The following EXOSC6 variants were observed in gnomAD, a reference collection of about 807,000 sequenced individuals.
EXOSC6 encodes the protein exosome complex component MTR3.
Under a neutral mutation model 16.7 loss-of-function variants are expected in EXOSC6, and 21 were observed. The ratio of observed to expected loss-of-function variants is 1.26; its 90% CI spans 0.89 to 1.82. EXOSC6 has a LOEUF of 1.82. EXOSC6 is among the 40% of genes most tolerant of loss of function. The pLI, the probability that EXOSC6 is intolerant of heterozygous loss-of-function variation, is 0.00. For missense variants in EXOSC6, 538 were observed against 415.7 expected (o/e 1.29, Z -2.56); for synonymous variants, 297 against 217.1 (o/e 1.37, Z -3.24).
At position 70,248,295 on chromosome 16, in the gene EXOSC6, GTCA is replaced by G. The variant is rs1438454463; in HGVS notation, c.*2784_*2786del. 3 of 152,106 alleles carry G rather than the reference GTCA, an allele frequency of 2.0e-5. No individual in the cohort carries two copies. The highest frequency in any genetic ancestry group is 4.4e-5 in the Non-Finnish European group (3 of 68,052). The allele number at this position is 152,106 out of a possible 1,614,324, so 9.4% of individuals were successfully genotyped here. ...AAACTAAAACATTATGGGTTGAACT[GTCA>G]TCATGTGTATGGTTTTCAGATGCTC... On this transcript the variant is annotated 3_prime_UTR_variant, in exon 1 of 1. Coordinates refer to ENST00000435634, the MANE Select transcript of EXOSC6 (RefSeq NM_058219.3).
rs1959806870 is a variant in EXOSC6, at chr16:70,251,166, G to C, written c.735C>G (p.Leu245=). 6.5e-7 allele frequency: 1 copy of C among 1,531,512 alleles called. No individual in the cohort carries two copies. The highest frequency in any genetic ancestry group is 8.7e-7 in the Non-Finnish European group (1 of 1,148,988). The allele number at this position is 1,531,512 out of a possible 1,614,324, so 94.9% of individuals were successfully genotyped here. The change falls in exon 1 of 1, where the codon CTC becomes CTG. Residue 245 remains leucine (L), a synonymous_variant. Transcript: ENST00000435634. The part of the protein sequence containing the change: ...ESWAEAVRLG[L]EGCQRLYPVL... ...CGGGGTAGAGGCGCTGGCAGCCCTCGAGGCCCAGGCGTACGGCCTCCGCCC... is the reference window on the plus strand; with the variant it reads ...CGGGGTAGAGGCGCTGGCAGCCCTCCAGGCCCAGGCGTACGGCCTCCGCCC...
rs1959760789 is a variant in EXOSC6, at chr16:70,249,556, T to C, written c.*1526A>G. ...AAAGGCTCAGAAAGACGTCGTGATA[T>C]TTAGTTCTTGTCTCCCTCTACAAAT... On this transcript the variant is annotated 3_prime_UTR_variant, in exon 1 of 1. Transcript: ENST00000435634. The C allele has an allele frequency of 6.6e-6, 1 of 152,220 alleles. No individual in the cohort carries two copies. The highest frequency in any genetic ancestry group is 2.4e-5 in the African/African-American group (1 of 41,452). 9.4% of individuals were successfully genotyped at this position (152,220 alleles called of 1,614,324 possible). A position where few individuals can be genotyped will look rare whatever the true frequency, so the allele number is the denominator to read the frequency against.
At position 70,248,677 on chromosome 16, in the gene EXOSC6, C is replaced by A. The variant is rs578138077; in HGVS notation, c.*2405G>T. ...GTAGCTTGACCATAGCTCACTGTAG[C>A]TTCAACCTCCCAGGCACAAGCGATC... On this transcript the variant is annotated 3_prime_UTR_variant, in exon 1 of 1. Coordinates refer to ENST00000435634, the MANE Select transcript of EXOSC6 (RefSeq NM_058219.3). 6.6e-6 allele frequency: 1 copy of A among 151,884 alleles called. No homozygotes were observed. The highest frequency in any genetic ancestry group is 2.4e-5 in the African/African-American group (1 of 41,416). 9.4% of individuals were successfully genotyped at this position (151,884 alleles called of 1,614,324 possible).
Position 70,251,729 on chromosome 16 carries a change from C to G in EXOSC6, c.172G>C (p.Gly58Arg). 7.2e-7 allele frequency: 1 copy of G among 1,393,984 alleles called. No individual in the cohort carries two copies. The highest frequency in any genetic ancestry group is 9.2e-7 in the Non-Finnish European group (1 of 1,085,238). 86.4% of individuals were successfully genotyped at this position (1,393,984 alleles called of 1,614,324 possible). Residue 58 changes from glycine (G) to arginine (R), a missense_variant, in exon 1 of 1, where the codon GGA (glycine) becomes CGA (arginine). Physicochemically the swap from Gly to Arg is moderately radical, Grantham distance 125 (BLOSUM62 -2). Coordinates refer to ENST00000435634, the MANE Select transcript of EXOSC6 (RefSeq NM_058219.3). ...ACGGCACACAGCACCTTGGTGCCTC[C>G]CGCCTCCAGGTAGGCCGAGCCCTTG... ...QAKGSAYLEA[G>R]GTKVLCAVSG... is the part of the protein sequence containing the mutation.
In EXOSC6 at chr16:70,250,010, C is replaced by T. The variant is rs1959771432; in HGVS notation, c.*1072G>A. Reference sequence around the variant, plus strand: ...TCTCCATTAATACCTGCAGGCCCGACAAAGGCAGCCTAGGAATTCTAGATG... The same window carrying T: ...TCTCCATTAATACCTGCAGGCCCGATAAAGGCAGCCTAGGAATTCTAGATG... On this transcript the variant is annotated 3_prime_UTR_variant, in exon 1 of 1. Coordinates refer to ENST00000435634, the MANE Select transcript of EXOSC6 (RefSeq NM_058219.3). 1 of 152,040 alleles carries T rather than the reference C, an allele frequency of 6.6e-6. No homozygotes were observed. The allele number at this position is 152,040 out of a possible 1,614,324, so 9.4% of individuals were successfully genotyped here.
Position 70,251,789 on chromosome 16 carries a change from G to C in EXOSC6, c.112C>G (p.Pro38Ala). 1 of 1,491,546 alleles carries C rather than the reference G, an allele frequency of 6.7e-7. No individual in the cohort carries two copies. Among genetic ancestry groups the C allele is most frequent in the East Asian group, 2.8e-5 (1 of 36,168 alleles). The allele number at this position is 1,491,546 out of a possible 1,614,324, so 92.4% of individuals were successfully genotyped here. A position where few individuals can be genotyped will look rare whatever the true frequency, so the allele number is the denominator to read the frequency against. ...AGCAGCCCGGCGCGCGCGTACACGG[G>C]CCGTAGCCGCGTTGGGTCGCGGGTG... is the stretch of plus-strand genomic sequence containing the variant. ...PGTRDPTRLRPVYARAGLLSQ... is the reference protein window; with the variant it reads ...PGTRDPTRLRAVYARAGLLSQ... Residue 38 changes from proline to alanine, a missense_variant, in exon 1 of 1, where the codon CCC (proline) becomes GCC (alanine). By Grantham distance (27) the Pro-to-Ala change is conservative. Transcript: ENST00000435634.
rs1445694352 is a variant in EXOSC6 at position 70,251,421 on chromosome 16, G to T, written c.480C>A (p.Ala160=). The change falls in exon 1 of 1, where the codon GCC becomes GCA. Residue 160 remains alanine (A), a synonymous_variant. Transcript: ENST00000435634. ...LLEDGGSALA[A]ALTAAALALA... Reference sequence around the variant, plus strand: ...GGGCGAGCGCGGCGGCGGTGAGCGCGGCGGCCAGGGCCGAGCCACCGTCCT... The same window carrying T: ...GGGCGAGCGCGGCGGCGGTGAGCGCTGCGGCCAGGGCCGAGCCACCGTCCT... 1 of 1,330,464 alleles carries T rather than the reference G, an allele frequency of 7.5e-7. No individual in the cohort carries two copies. The highest frequency in any genetic ancestry group is 9.6e-7 in the Non-Finnish European group (1 of 1,046,812). The allele number at this position is 1,330,464 out of a possible 1,614,324, so 82.4% of individuals were successfully genotyped here.
chr16:70,251,520 C>T lies in EXOSC6; in HGVS notation c.381G>A (p.Gln127=). Residue 127 remains glutamine (Q), a synonymous_variant, in exon 1 of 1, where the codon CAG becomes CAA. Coordinates refer to ENST00000435634, the MANE Select transcript of EXOSC6 (RefSeq NM_058219.3). ...GGCGCACAGCCGGCTCCAGCGCCTC[C>T]TGCAGCGCCAGCGCCAGCTCACGCT... ...CEERELALAL[Q]EALEPAVRLG... is the part of the protein sequence containing the mutation. 1 of 1,258,508 alleles carries T rather than the reference C, an allele frequency of 7.9e-7. No individual in the cohort carries two copies. The highest frequency in any genetic ancestry group is 3.7e-5 in the Admixed American group (1 of 26,998). The allele number at this position is 1,258,508 out of a possible 1,614,324, so 78.0% of individuals were successfully genotyped here.
rs2152147467 is a variant in EXOSC6, at chr16:70,248,653, T to C, written c.*2429A>G. 1 of 152,170 alleles carries C rather than the reference T, an allele frequency of 6.6e-6. No individual in the cohort carries two copies. Among genetic ancestry groups the C allele is most frequent in the South Asian group, 2.1e-4 (1 of 4,822 alleles). The allele number at this position is 152,170 out of a possible 1,614,324, so 9.4% of individuals were successfully genotyped here. A position where few individuals can be genotyped will look rare whatever the true frequency, so the allele number is the denominator to read the frequency against. On this transcript the variant is annotated 3_prime_UTR_variant, in exon 1 of 1. Coordinates refer to ENST00000435634, the MANE Select transcript of EXOSC6 (RefSeq NM_058219.3). ...TAGGGTTGCCTATAATGGAGTGCAGTAGCTTGACCATAGCTCACTGTAGCT... is the reference window on the plus strand; with the variant it reads ...TAGGGTTGCCTATAATGGAGTGCAGCAGCTTGACCATAGCTCACTGTAGCT...
At position 70,250,049 on chromosome 16, in the gene EXOSC6, C is replaced by T. The variant is rs1378245982; in HGVS notation, c.*1033G>A. ...GAATTCTAGATGAATGGAATGAATA[C>T]AACTTGCTGGAAGTTCTTAGGAAAC... On this transcript the variant is annotated 3_prime_UTR_variant, in exon 1 of 1. Coordinates refer to ENST00000435634, the MANE Select transcript of EXOSC6 (RefSeq NM_058219.3). 6.6e-6 allele frequency: 1 copy of T among 152,136 alleles called. No individual in the cohort carries two copies. The highest frequency in any genetic ancestry group is 1.9e-4 in the East Asian group (1 of 5,202). The allele number at this position is 152,136 out of a possible 1,614,324, so 9.4% of individuals were successfully genotyped here.
chr16:70,251,272 C>G lies in EXOSC6; in HGVS notation c.629G>C (p.Gly210Ala). 2 of 1,446,246 alleles carry G rather than the reference C, an allele frequency of 1.4e-6. No homozygotes were observed. Among genetic ancestry groups the G allele is most frequent in the Non-Finnish European group, 1.8e-6 (2 of 1,105,128 alleles). The allele number at this position is 1,446,246 out of a possible 1,614,324, so 89.6% of individuals were successfully genotyped here. A position where few individuals can be genotyped will look rare whatever the true frequency, so the allele number is the denominator to read the frequency against. Reference protein sequence around the residue: ...TRLEEERAAAGLTVALMPVLN... With the variant: ...TRLEEERAAAALTVALMPVLN... ...CACAGGCATGAGCGCCACGGTGAGG[C>G]CGGCGGCGGCGCGCTCTTCCTCGAG... The change falls in exon 1 of 1, where the codon GGC becomes GCC. Residue 210 changes from glycine (G) to alanine (A), a missense_variant. Transcript: ENST00000435634.
In EXOSC6 at chr16:70,250,486, T is replaced by C. The variant is rs1392565088; in HGVS notation, c.*596A>G. On this transcript the variant is annotated 3_prime_UTR_variant, in exon 1 of 1. Coordinates refer to ENST00000435634, the MANE Select transcript of EXOSC6 (RefSeq NM_058219.3). ...GCATTCGAGAACAGCCTGGCCCACA[T>C]GGCGAAACCCCATCTCTACTAAAAA... The C allele has an allele frequency of 6.6e-6, 1 of 150,394 alleles. No individual in the cohort carries two copies. Among genetic ancestry groups the C allele is most frequent in the Non-Finnish European group, 1.5e-5 (1 of 67,848 alleles). 9.3% of individuals were successfully genotyped at this position (150,394 alleles called of 1,614,324 possible).
In EXOSC6 at chr16:70,251,855, G is replaced by A. The variant is rs772661085; in HGVS notation, c.46C>T (p.Pro16Ser). The change falls in exon 1 of 1, where the codon CCG becomes TCG. Residue 16 changes from proline to serine, a missense_variant. Physicochemically the swap from Pro to Ser is moderately conservative, Grantham distance 74. Coordinates refer to ENST00000435634, the MANE Select transcript of EXOSC6 (RefSeq NM_058219.3). ...RRIRGPEESQ[P>S]PQLYAADEEE... ...TCGTCGGCCGCGTACAGCTGCGGCG[G>A]CTGCGATTCTTCAGGGCCGCGGATG... is the stretch of plus-strand genomic sequence containing the variant. The A allele has an allele frequency of 1.3e-6, 2 of 1,554,832 alleles. No homozygotes were observed. The highest frequency in any genetic ancestry group is 1.7e-6 in the Non-Finnish European group (2 of 1,160,836).
rs770329684 is a variant in EXOSC6 at position 70,251,862 on chromosome 16, T to C, written c.39A>G (p.Glu13=). The C allele has an allele frequency of 7.7e-5, 120 of 1,553,468 alleles. 1 individual carries two copies. In the South Asian group the frequency reaches 7.8e-4, roughly 10 times the overall value. ...GDHRRIRGPE[E]SQPPQLYAAD... ...CCGCGTACAGCTGCGGCGGCTGCGA[T>C]TCTTCAGGGCCGCGGATGCGGCGGT... Residue 13 remains glutamate (E), a synonymous_variant, in exon 1 of 1, where the codon GAA becomes GAG. Transcript: ENST00000435634.
rs755559641 is a variant in EXOSC6 at position 70,247,149 on chromosome 16, G to A, written c.*3933C>T. 6.9e-4 allele frequency: 204 copies of A among 296,712 alleles called. No individual in the cohort carries two copies. Among genetic ancestry groups the A allele is most frequent in the Non-Finnish European group, 1.2e-3 (184 of 155,232 alleles). The allele number at this position is 296,712 out of a possible 1,614,324, so 18.4% of individuals were successfully genotyped here. ...CTCGGGAGGCTGAGACACAAGAATC[G>A]CTTGAACCCAGGAGGCAGAGGTTGC... is the stretch of plus-strand genomic sequence containing the variant. On this transcript the variant is annotated 3_prime_UTR_variant, in exon 1 of 1. Transcript: ENST00000435634.
In EXOSC6 at chr16:70,250,119, C is replaced by A. The variant is rs890534563; in HGVS notation, c.*963G>T. 7.4e-6 allele frequency: 1 copy of A among 135,802 alleles called. No individual in the cohort carries two copies. Among genetic ancestry groups the A allele is most frequent in the African/African-American group, 2.4e-5 (1 of 40,862 alleles). 8.4% of individuals were successfully genotyped at this position (135,802 alleles called of 1,614,324 possible). On this transcript the variant is annotated 3_prime_UTR_variant, in exon 1 of 1. Coordinates refer to ENST00000435634, the MANE Select transcript of EXOSC6 (RefSeq NM_058219.3). ...CCAAATAAAAGCCTTCCACTAGAAA[C>A]TAAAAATAATAATAATAATAATAAT...
In EXOSC6 at chr16:70,250,666, C is replaced by CGAAAAA. The variant is rs1491333966; in HGVS notation, c.*415_*416insTTTTTC. The CGAAAAA allele has an allele frequency of 1.3e-5, 1 of 77,426 alleles. No individual in the cohort carries two copies. The highest frequency in any genetic ancestry group is 4.6e-5 in the African/African-American group (1 of 21,920). 4.8% of individuals were successfully genotyped at this position (77,426 alleles called of 1,614,324 possible). On this transcript the variant is annotated 3_prime_UTR_variant, in exon 1 of 1. Coordinates refer to ENST00000435634, the MANE Select transcript of EXOSC6 (RefSeq NM_058219.3). ...CCTGGGCAACAGAACAAGACTCCAT[C>CGAAAAA]AAAAAAAAAAAAAAAAAAAAAAGAA... is the stretch of plus-strand genomic sequence containing the variant.
In EXOSC6 at chr16:70,249,900, G is replaced by C. The variant is rs1413622842; in HGVS notation, c.*1182C>G. ...TCTGAGGCGGAGGTTGCAGTGAGCTGAGATCGCGCCATTGCACTCCAGCCT... is the reference window on the plus strand; with the variant it reads ...TCTGAGGCGGAGGTTGCAGTGAGCTCAGATCGCGCCATTGCACTCCAGCCT... On this transcript the variant is annotated 3_prime_UTR_variant, in exon 1 of 1. Coordinates refer to ENST00000435634, the MANE Select transcript of EXOSC6 (RefSeq NM_058219.3). The C allele has an allele frequency of 2.0e-5, 3 of 152,228 alleles. No homozygotes were observed. Among genetic ancestry groups the C allele is most frequent in the Non-Finnish European group, 4.4e-5 (3 of 68,118 alleles). The allele number at this position is 152,228 out of a possible 1,614,324, so 9.4% of individuals were successfully genotyped here.
In EXOSC6 at chr16:70,251,434, G is replaced by A. The variant is rs920032321; in HGVS notation, c.467C>T (p.Ser156Leu). Reference protein sequence around the residue: ...VSALLLEDGGSALAAALTAAA... With the variant: ...VSALLLEDGGLALAAALTAAA... Reference sequence around the variant, plus strand: ...GGCGGTGAGCGCGGCGGCCAGGGCCGAGCCACCGTCCTCCAGCAGCAGCGC... The same window carrying A: ...GGCGGTGAGCGCGGCGGCCAGGGCCAAGCCACCGTCCTCCAGCAGCAGCGC... Residue 156 changes from serine to leucine, a missense_variant, in exon 1 of 1, where the codon TCG becomes TTG. Coordinates refer to ENST00000435634, the MANE Select transcript of EXOSC6 (RefSeq NM_058219.3). 3 of 1,347,478 alleles carry A rather than the reference G, an allele frequency of 2.2e-6. No individual in the cohort carries two copies. The highest frequency in any genetic ancestry group is 2.8e-6 in the Non-Finnish European group (3 of 1,052,728). The allele number at this position is 1,347,478 out of a possible 1,614,324, so 83.5% of individuals were successfully genotyped here.
Sources: allele counts gnomAD v4.1 joint callset, GRCh38; gene constraint gnomAD v4.1.1; transcripts MANE v1.5; gene names NCBI Gene and HGNC (gene_info 2026-07-23, HGNC 2026-07-21).